The following RIMS3 variants were observed in gnomAD, a reference collection of about 807,000 sequenced individuals.
RIMS3 encodes regulating synaptic membrane exocytosis 3, also known as regulating synaptic membrane exocytosis protein 3.
RIMS3 carries 15 observed loss-of-function variants against 29.2 expected under a neutral mutation model. The ratio of observed to expected loss-of-function variants is 0.51; its 90% CI spans 0.34 to 0.79. The LOEUF (loss-of-function observed/expected upper bound fraction) is 0.79. RIMS3 is among the 30% of genes least tolerant of loss of function. The pLI, the probability that RIMS3 is intolerant of heterozygous loss-of-function variation, is 0.01. For synonymous variants in RIMS3, 161 were observed against 170.1 expected (o/e 0.95, Z 0.41); for missense variants, 342 against 421.4 (o/e 0.81, Z 1.65).
intron 5 of RIMS3, among the ~76,000 whole-genome samples, chr1:40,631,864 C>T (rs1317495431): frequency 6.6e-6 from 1 of 151,960 alleles, no homozygotes; most frequent in Non-Finnish European, 1.5e-5. Context: ...CTCAGCTACT[C>T]AGGAGGCTGA....
chr1:40,691,170 A>G, the RIMS3 span: 37 of 152,540 alleles, frequency 2.4e-4, no homozygotes, highest in African/African-American at 8.9e-4. Context: ...ATGTCGACGT[A>G]AGGTTACAAG....
intron 1 of RIMS3, among the ~76,000 whole-genome samples, chr1:40,662,846 G>A (rs1217159463): frequency 1.3e-5 from 2 of 152,234 alleles, no homozygotes; most frequent in Non-Finnish European, 2.9e-5. Flanking sequence ...AGACTTGGTA[G>A]TTGAGGCCAC....
chr1:40,691,521 T>C, the RIMS3 span: 2 of 289,944 alleles, frequency 6.9e-6, no homozygotes, highest in East Asian at 1.5e-4. Context: ...GGGGGCGGGG[T>C]CAAAACTCAG....
At chr1:40,663,817 G>A (rs1228014468) in intron 1 of RIMS3, among the ~76,000 whole-genome samples, 1 of 152,132 alleles carries the variant, frequency 6.6e-6, no homozygotes, top group Non-Finnish European at 1.5e-5. Context: ...CTGCACGCCC[G>A]CCCAGCAAGT....
intron 1 of RIMS3, among the ~76,000 whole-genome samples, chr1:40,664,834 A>C (rs1642401761): frequency 6.6e-6 from 1 of 152,096 alleles, no homozygotes; most frequent in South Asian, 2.1e-4. Flanking sequence ...AGCCTCCCTG[A>C]ACCCTGGGCT....
the RIMS3 span, among the ~76,000 whole-genome samples, chr1:40,672,888 C>A: frequency 1.3e-5 from 2 of 148,346 alleles, no homozygotes; most frequent in South Asian, 2.1e-4. Context: ...AAAAAAAGGC[C>A]GGGCATGGTG....
chr1:40,686,088 G>A, the RIMS3 span, among the ~76,000 whole-genome samples: 1 of 152,148 alleles, frequency 6.6e-6, no homozygotes, highest in African/African-American at 2.4e-5. Context: ...GGCAGAGGTT[G>A]CAGTGAGCTG....
chr1:40,673,620 C>G, the RIMS3 span, among the ~76,000 whole-genome samples: 2 of 152,226 alleles, frequency 1.3e-5, no homozygotes, highest in Non-Finnish European at 1.5e-5. Flanking sequence ...GTGGCTTCCT[C>G]TGTTTACAGT....
intron 3 of RIMS3, among the ~76,000 whole-genome samples, chr1:40,639,139 GA>G (rs775368224): frequency 2.6e-5 from 4 of 152,336 alleles, no homozygotes; most frequent in Admixed American, 1.3e-4. Context: ...GGGAAGGGCA[GA>G]CCTGAGCCCA....
At chr1:40,646,402 G>A (rs906729477) in intron 2 of RIMS3, among the ~76,000 whole-genome samples, 30 of 152,278 alleles carry the variant, frequency 2.0e-4, no homozygotes, top group Non-Finnish European at 3.5e-4. Context: ...AGAGCACACC[G>A]TGTCACATGT....
chr1:40,691,679 G>A, the RIMS3 span: 3 of 449,984 alleles, frequency 6.7e-6, no homozygotes, highest in South Asian at 1.6e-5. Context: ...CGCCAAGGGA[G>A]GGGGAAGGGA....
intron 7 of RIMS3, among the ~76,000 whole-genome samples, chr1:40,627,663 A>G (rs1218504336): frequency 6.6e-6 from 1 of 151,926 alleles, no homozygotes; most frequent in East Asian, 1.9e-4. Flanking sequence ...GTGCAGTGGC[A>G]TAATCATAGC....
At chr1:40,662,215 G>A (rs539123073) in intron 1 of RIMS3, among the ~76,000 whole-genome samples, 3 of 152,206 alleles carry the variant, frequency 2.0e-5, no homozygotes, top group East Asian at 3.9e-4. Context: ...TCCTGGGCCT[G>A]CCCACACTGC....
At chr1:40,686,514 G>A in the RIMS3 span, among the ~76,000 whole-genome samples, 3 of 152,060 alleles carry the variant, frequency 2.0e-5, no homozygotes, top group Non-Finnish European at 2.9e-5. Context: ...AAAATTAGCC[G>A]AGCATGGTCG....
chr1:40,662,619 C>T (rs1570207688), intron 1 of RIMS3, among the ~76,000 whole-genome samples: 1 of 152,176 alleles, frequency 6.6e-6, no homozygotes, highest in East Asian at 1.9e-4. Context: ...CTTCACTCCT[C>T]CCGGACCCTC....
rs151083231 is a variant in RIMS3, at chr1:40,635,999, C to T, written c.276G>A (p.Ala92=). 4.8e-5 allele frequency: 78 copies of T among 1,609,746 alleles called. No individual in the cohort carries two copies. The South Asian group carries it at 5.4e-4, about 11-fold the overall frequency. The stretch of plus-strand genomic sequence containing the variant: ...GTGTGACCCGGCTCCGCATCTCCAC[C>T]GCGATGCCTGTCTCCGTGCTCCGGC... The part of the protein sequence containing the change: ...NIRRSTETGI[A]VEMRSRVTRQ... Residue 92 remains alanine (A), a synonymous_variant, in exon 4 of 8, where the codon GCG becomes GCA. Coordinates refer to ENST00000372684, the MANE Select transcript of RIMS3 (RefSeq NM_014747.3). The surrounding 1 kb of genome is among the most constrained non-coding windows in gnomAD (Gnocchi z 4.1).
chr1:40,679,665 G>A, the RIMS3 span, among the ~76,000 whole-genome samples: 2 of 152,246 alleles, frequency 1.3e-5, no homozygotes, highest in East Asian at 3.9e-4. Flanking sequence ...CAAATCAGGG[G>A]ACTCAATCCA....
At chr1:40,691,651 C>A in the RIMS3 span, 5 of 437,656 alleles carry the variant, frequency 1.1e-5, no homozygotes, top group Admixed American at 4.9e-5. Context: ...GCGCACCGCA[C>A]GATACTGGGA....
chr1:40,691,735 C>T, the RIMS3 span: 20 of 455,440 alleles, frequency 4.4e-5, no homozygotes, highest in Admixed American at 1.2e-4. Context: ...TTGCTTGTGC[C>T]CCCGCTTCGC....
Sources: allele counts gnomAD v4.1 joint callset (sites outside exome capture counted in the v4.1 genomes callset), GRCh38; gene constraint gnomAD v4.1.1; non-coding constraint Gnocchi (gnomAD v3.1); transcripts MANE v1.5; gene names NCBI Gene and HGNC (gene_info 2026-07-23, HGNC 2026-07-21).